The following LTBP1 variants were observed in gnomAD, a reference collection of about 807,000 sequenced individuals.
The protein encoded by LTBP1 is latent transforming growth factor beta binding protein 1.
LTBP1 carries 129 observed loss-of-function variants against 207.6 expected under a neutral mutation model. The observed-to-expected ratio is 0.62, with a 90% CI of 0.54 to 0.72. LTBP1 has a LOEUF of 0.72. Ranked by LOEUF, LTBP1 falls within the 30% of genes least tolerant of loss-of-function variation. The pLI is 0.00. For synonymous variants in LTBP1, 963 were observed against 833.7 expected, an observed-to-expected ratio of 1.16 and a Z score of -2.67; for missense variants, 2,281 against 2,217.2, an observed-to-expected ratio of 1.03 and a Z score of -0.58.
intron 10 of LTBP1, among the ~76,000 whole-genome samples, chr2:33,251,569 G>C (rs1043442378): frequency 4.6e-5 from 7 of 151,636 alleles, no homozygotes; most frequent in Non-Finnish European, 4.4e-5. Context: ...GGAGGCTGAG[G>C]CAGGAGAATG....
chr2:33,389,033 T>G, intron 31 of LTBP1, 151 bp from the exon 32 acceptor site: 1 of 1,076,962 alleles, frequency 9.3e-7, no homozygotes, highest in Non-Finnish European at 1.4e-6. Context: ...TCAAAAGATA[T>G]TCAGACACTT....
chr2:33,326,561 A>G (rs903308160), intron 24 of LTBP1, among the ~76,000 whole-genome samples: 1 of 151,874 alleles, frequency 6.6e-6, no homozygotes, highest in African/African-American at 2.4e-5. Context: ...CTTATTTGGG[A>G]TGATAAAGAG....
rs544050082 is a variant in LTBP1, at chr2:33,115,280, T to C, written c.1033+4529T>C. The stretch of plus-strand genomic sequence containing the variant: ...TACATGCTATATGAGTCCATTTCTA[T>C]AAGATGTCCAGAGTAGGCAAATCCA... On this transcript the variant is annotated intron_variant, in intron 4 of 33. Transcript: ENST00000404816. Among the ~76,000 whole-genome samples, 4 of 152,146 alleles carry C rather than the reference T, an allele frequency of 2.6e-5. No homozygotes were observed. In the East Asian group the frequency reaches 7.8e-4, roughly 29 times the overall value.
chr2:33,398,372 G>T lies in LTBP1; in HGVS notation c.4993G>T (p.Glu1665Ter), dbSNP rs1383278434. The change falls in exon 34 of 34, where the codon GAA becomes TAA. Residue 1665 changes from glutamate to a stop codon, truncating the protein, a stop_gained. Coordinates refer to ENST00000404816, the MANE Select transcript of LTBP1 (RefSeq NM_206943.4). LOFTEE classifies it high-confidence loss of function. ...TAKMTCVDVN[E>*]CDELNNRMSL... ...GGCTTGACTTATTGCAGATGTAAAT[G>T]AATGCGATGAGTTGAACAACCGGAT... 1 of 1,613,604 alleles carries T rather than the reference G, an allele frequency of 6.2e-7. No individual in the cohort carries two copies. Among genetic ancestry groups the T allele is most frequent in the African/African-American group, 1.3e-5 (1 of 75,028 alleles).
chr2:33,202,316 C>A (rs1390357236), intron 7 of LTBP1, among the ~76,000 whole-genome samples: 1 of 152,062 alleles, frequency 6.6e-6, no homozygotes, highest in Non-Finnish European at 1.5e-5. Flanking sequence ...TGATGCCTGC[C>A]AACTCCACAT....
At chr2:33,335,709 C>T (rs973372681) in intron 24 of LTBP1, among the ~76,000 whole-genome samples, 5 of 152,142 alleles carry the variant, frequency 3.3e-5, no homozygotes, top group African/African-American at 7.2e-5. Flanking sequence ...TTCTTTTGGG[C>T]AGCTATTCAG....
intron 5 of LTBP1, among the ~76,000 whole-genome samples, chr2:33,150,260 G>C (rs1465657008): frequency 2.0e-5 from 3 of 152,032 alleles, no homozygotes; most frequent in African/African-American, 7.2e-5. Context: ...TATTTCTTTT[G>C]TGCTTTTTTA....
intron 19 of LTBP1, among the ~76,000 whole-genome samples, chr2:33,281,101 A>G (rs750172061): frequency 6.6e-6 from 1 of 152,278 alleles, no homozygotes; most frequent in Non-Finnish European, 1.5e-5. Context: ...AACTTACTGT[A>G]TATCCCCAGA....
chr2:33,175,605 A>T (rs1392178774), intron 5 of LTBP1, among the ~76,000 whole-genome samples: 1 of 152,226 alleles, frequency 6.6e-6, no homozygotes, highest in Non-Finnish European at 1.5e-5. Flanking sequence ...ACACTTCCTC[A>T]GGGATCTAGA....
intron 3 of LTBP1, among the ~76,000 whole-genome samples, chr2:33,046,498 C>T (rs1399629046): frequency 6.6e-6 from 1 of 152,180 alleles, no homozygotes; most frequent in Non-Finnish European, 1.5e-5. Context: ...TTTTGATGTG[C>T]TGCTGGATTC....
At chr2:33,250,645 A>G (rs1375656346) in intron 10 of LTBP1, among the ~76,000 whole-genome samples, 2 of 152,172 alleles carry the variant, frequency 1.3e-5, no homozygotes, top group African/African-American at 4.8e-5. Context: ...CGGCCCTCAC[A>G]GACTCTGAGA....
At chr2:33,387,776 G>A (rs2095279954) in intron 31 of LTBP1, among the ~76,000 whole-genome samples, 1 of 150,872 alleles carries the variant, frequency 6.6e-6, no homozygotes, top group Non-Finnish European at 1.5e-5. Flanking sequence ...ACACAATAGG[G>A]GAAAATTCCA....
At chr2:33,118,422 A>T (rs571360782) in intron 4 of LTBP1, among the ~76,000 whole-genome samples, 10 of 152,318 alleles carry the variant, frequency 6.6e-5, no homozygotes, top group African/African-American at 2.4e-4. Flanking sequence ...TCCTTGCAAA[A>T]TCAGCGAGTT....
chr2:33,245,095 G>A (rs1028382414), intron 10 of LTBP1, among the ~76,000 whole-genome samples: 1 of 152,046 alleles, frequency 6.6e-6, no homozygotes, highest in Non-Finnish European at 1.5e-5. Context: ...GGTCAGGCTG[G>A]TCTTGAACTC....
At chr2:33,145,480 C>T (rs1476750033) in intron 5 of LTBP1, among the ~76,000 whole-genome samples, 1 of 152,184 alleles carries the variant, frequency 6.6e-6, no homozygotes, top group Non-Finnish European at 1.5e-5. Context: ...GGAAAGCAGA[C>T]CACTGCCCTT....
intron 19 of LTBP1, among the ~76,000 whole-genome samples, chr2:33,284,468 A>G (rs2093624271): frequency 6.6e-6 from 1 of 152,144 alleles, no homozygotes; most frequent in Non-Finnish European, 1.5e-5. Context: ...CACGTTCGTC[A>G]TTCGGCACTG....
intron 10 of LTBP1, among the ~76,000 whole-genome samples, chr2:33,246,479 G>GCACACACACA (rs145652084): frequency 6.5e-4 from 96 of 147,214 alleles, no homozygotes; most frequent in African/African-American, 2.3e-3. Flanking sequence ...ACACGCACAC[G>GCACACACACA]CACACACACA....
chr2:33,346,639 C>A (rs1278100754), intron 25 of LTBP1, among the ~76,000 whole-genome samples: 1 of 150,868 alleles, frequency 6.6e-6, no homozygotes, highest in East Asian at 2.0e-4. Context: ...GAGCTGAGAT[C>A]ACGGCACTGC....
chr2:33,018,643 T>C (rs1386253190), intron 2 of LTBP1, among the ~76,000 whole-genome samples: 1 of 152,150 alleles, frequency 6.6e-6, no homozygotes, highest in Non-Finnish European at 1.5e-5. Flanking sequence ...CAAAGTTTGC[T>C]CAGTTGGTCA....
Sources: allele counts gnomAD v4.1 joint callset (sites outside exome capture counted in the v4.1 genomes callset), GRCh38; gene constraint gnomAD v4.1.1; transcripts MANE v1.5; gene names NCBI Gene and HGNC (gene_info 2026-07-23, HGNC 2026-07-21).